EXOC4: variants seen among roughly 807,000 people sequenced by gnomAD.
EXOC4 encodes SEC8-like 1.
In EXOC4, 71 loss-of-function variants were observed where a neutral mutation model predicts 107.2. That is an observed-to-expected ratio of 0.66 (90% CI 0.55 to 0.81). EXOC4 has a LOEUF of 0.81. EXOC4 is among the 30% of genes least tolerant of loss of function. EXOC4 has a pLI of 0.00. For missense variants in EXOC4, 1,108 were observed against 1,189.6 expected, an observed-to-expected ratio of 0.93 and a Z score of 1.01; for synonymous variants, 456 against 441.2, an observed-to-expected ratio of 1.03 and a Z score of -0.42.
At position 133,357,919 on chromosome 7, in the gene EXOC4, G is replaced by A. The variant is rs144310311; in HGVS notation, c.1007+1346G>A. On this transcript the variant is annotated intron_variant, in intron 6 of 17. Transcript: ENST00000253861. ...AAGTAAATATTTGGCCAGGCACAGTGGCTCATGCCTATAATCCCAGCACTT... is the reference window on the plus strand; with the variant it reads ...AAGTAAATATTTGGCCAGGCACAGTAGCTCATGCCTATAATCCCAGCACTT... 0.01 allele frequency among the ~76,000 whole-genome samples: 1,528 copies of A among 152,270 alleles called. 83 individuals are homozygous for A. The South Asian group carries it at 0.14, about 14-fold the overall frequency.
At chr7:133,354,989 G>T (rs574695061) in intron 5 of EXOC4, among the ~76,000 whole-genome samples, 1 of 152,130 alleles carries the variant, frequency 6.6e-6, no homozygotes, top group African/African-American at 2.4e-5. Flanking sequence ...CCTTAAGAGC[G>T]TTTTATAAGC....
intron 14 of EXOC4, among the ~76,000 whole-genome samples, chr7:133,940,048 AAT>A (rs1800392556): frequency 6.6e-6 from 1 of 152,180 alleles, no homozygotes; most frequent in Admixed American, 6.5e-5. Flanking sequence ...TTTATTTAGT[AAT>A]GTTTGGAAGG....
At chr7:133,367,635 G>T (rs1796276800) in intron 6 of EXOC4, among the ~76,000 whole-genome samples, 1 of 152,098 alleles carries the variant, frequency 6.6e-6, no homozygotes, top group South Asian at 2.1e-4. Context: ...TACTTTCCCT[G>T]TTTTCTAACG....
intron 9 of EXOC4, among the ~76,000 whole-genome samples, chr7:133,590,368 T>A (rs1801513172): frequency 6.6e-6 from 1 of 152,096 alleles, no homozygotes; most frequent in Non-Finnish European, 1.5e-5. Flanking sequence ...TAGCTCCTTT[T>A]GATATGGACA....
chr7:133,255,486 A>G (rs966966261), intron 1 of EXOC4, among the ~76,000 whole-genome samples: 2 of 152,050 alleles, frequency 1.3e-5, no homozygotes, highest in African/African-American at 4.8e-5. Flanking sequence ...TCATTTTTCT[A>G]CTTTATCCTT....
intron 9 of EXOC4, among the ~76,000 whole-genome samples, chr7:133,508,287 ACAGCTTGCAGGACCCCATTACTT>A (rs1799703609): frequency 1.3e-5 from 2 of 152,140 alleles, no homozygotes; most frequent in Non-Finnish European, 2.9e-5. Flanking sequence ...TCTTGTGAAC[ACAGCTTGCAGGACCCCATTACTT>A]GAATTTCTGA....
chr7:133,814,999 G>C (rs537771931), intron 10 of EXOC4, among the ~76,000 whole-genome samples: 4 of 152,154 alleles, frequency 2.6e-5, no homozygotes, highest in South Asian at 2.1e-4. Context: ...GTACAATACA[G>C]CTCTTCCTTT....
At chr7:133,856,689 A>T (rs996850903) in intron 11 of EXOC4, among the ~76,000 whole-genome samples, 1 of 152,174 alleles carries the variant, frequency 6.6e-6, no homozygotes. Context: ...TGGCCAATTA[A>T]TGTAGCTCAT....
At chr7:133,478,982 T>C (rs546120280) in intron 8 of EXOC4, 10 of 152,164 alleles carry the variant, frequency 6.6e-5, no homozygotes, top group Admixed American at 1.3e-4. Context: ...GACATTCATC[T>C]CAGTATTCAT....
At chr7:133,831,845 C>T (rs1797817922) in intron 11 of EXOC4, among the ~76,000 whole-genome samples, 2 of 152,014 alleles carry the variant, frequency 1.3e-5, no homozygotes, top group African/African-American at 4.8e-5. Flanking sequence ...CTATATGTAA[C>T]CATTTACGTC....
chr7:133,649,467 C>CTTTT lies in EXOC4; in HGVS notation c.1514+19341_1514+19344dup, dbSNP rs61225754. Among the ~76,000 whole-genome samples the CTTTT allele has an allele frequency of 7.0e-5, 6 of 85,398 alleles. 2 individuals carry two copies. The highest frequency in any genetic ancestry group is 3.2e-4 in the Admixed American group (2 of 6,246). 56.0% of individuals were successfully genotyped at this position (85,398 alleles called of 152,430 possible). Reference sequence around the variant, plus strand: ...TGTGTGTGAAGCATTACTACTTTTTCTTTTTTTTTTTTTTTTTTAACCAGT... The same window carrying CTTTT: ...TGTGTGTGAAGCATTACTACTTTTTCTTTTTTTTTTTTTTTTTTTTTTAACCAGT... On this transcript the variant is annotated intron_variant, in intron 10 of 17. Transcript: ENST00000253861.
At chr7:133,497,405 A>C (rs1040757725) in intron 9 of EXOC4, among the ~76,000 whole-genome samples, 2 of 150,314 alleles carry the variant, frequency 1.3e-5, no homozygotes, top group Non-Finnish European at 3.0e-5. Flanking sequence ...CCTACCTTAA[A>C]TTTATTCCAA....
chr7:133,984,519 A>G (rs1563080808), intron 14 of EXOC4, among the ~76,000 whole-genome samples: 3 of 152,262 alleles, frequency 2.0e-5, no homozygotes, highest in Non-Finnish European at 2.9e-5. Context: ...AATGAAAAAA[A>G]TGGTTATAAA....
chr7:133,972,575 C>G (rs2116882138), intron 14 of EXOC4, among the ~76,000 whole-genome samples: 1 of 152,102 alleles, frequency 6.6e-6, no homozygotes, highest in Non-Finnish European at 1.5e-5. Context: ...TTATTAAGTT[C>G]AAAGTAAATT....
Position 133,781,686 on chromosome 7 carries a change from C to T in EXOC4, c.1515-35639C>T, listed in dbSNP as rs1361946321. ...GATTGATATGTCCCCAGAGAGTCTGCCTTGCACTGGGCCTTCTTCACCTCT... is the reference window on the plus strand; with the variant it reads ...GATTGATATGTCCCCAGAGAGTCTGTCTTGCACTGGGCCTTCTTCACCTCT... On this transcript the variant is annotated intron_variant, in intron 10 of 17. Coordinates refer to ENST00000253861, the MANE Select transcript of EXOC4 (RefSeq NM_021807.4). Among the ~76,000 whole-genome samples the T allele has an allele frequency of 2.6e-5, 4 of 152,292 alleles. 1 individual carries two copies. In the Middle Eastern group the frequency reaches 0.01, roughly 389 times the overall value.
chr7:133,963,764 G>A (rs576978110), intron 14 of EXOC4, among the ~76,000 whole-genome samples: 43 of 152,304 alleles, frequency 2.8e-4, no homozygotes, highest in African/African-American at 7.7e-4. Context: ...AGCCTGCTCT[G>A]TGCCCAGGAC....
intron 1 of EXOC4, chr7:133,254,091 T>G (rs988290684): frequency 6.6e-6 from 1 of 152,170 alleles, no homozygotes; most frequent in Non-Finnish European, 1.5e-5. Context: ...TTTGTTTGAG[T>G]TCTTGCAAGT....
chr7:133,955,602 T>C (rs1800799337), intron 14 of EXOC4, among the ~76,000 whole-genome samples: 1 of 152,170 alleles, frequency 6.6e-6, no homozygotes, highest in Non-Finnish European at 1.5e-5. Flanking sequence ...TTCAGACCTT[T>C]CTTTACTTAA....
At chr7:134,100,616 G>T in the EXOC4 span, among the ~76,000 whole-genome samples, 2 of 130,694 alleles carry the variant, frequency 1.5e-5, 1 homozygote, top group South Asian at 4.8e-4. Flanking sequence ...GGTTATTGTG[G>T]CCAAGTAACA....
Sources: gnomAD v4.1 joint callset for allele counts (sites outside exome capture counted in the v4.1 genomes callset) on GRCh38, gnomAD v4.1.1 for gene constraint, MANE v1.5 for transcripts, NCBI Gene and HGNC (gene_info 2026-07-23, HGNC 2026-07-21) for gene names.